Variants in USP30 observed in about 807,000 individuals in gnomAD.
USP30 encodes ubiquitin specific peptidase 30, also known as ubiquitin carboxyl-terminal hydrolase 30.
In USP30, 41 loss-of-function variants were observed where a neutral mutation model predicts 68.2. The observed-to-expected ratio is 0.60, with a 90% CI of 0.47 to 0.78. USP30 has a LOEUF of 0.78. USP30 is among the 30% of genes least tolerant of loss of function. The pLI is 0.00. For synonymous variants in USP30, 229 were observed against 253.7 expected (o/e 0.90, Z 0.93); for missense variants, 522 against 649.4 (o/e 0.80, Z 2.13).
chr12:109,085,206 A>G (rs1295985831), intron 12 of USP30, 133 bp downstream of exon 12: 8 of 1,055,818 alleles, frequency 7.6e-6, no homozygotes, highest in Admixed American at 2.9e-5. Flanking sequence ...TCACGATTAC[A>G]CATTCCTATT....
chr12:109,030,178 AC>A (rs1376758391), intron 3 of USP30, among the ~76,000 whole-genome samples: 1 of 152,188 alleles, frequency 6.6e-6, no homozygotes, highest in African/African-American at 2.4e-5. Context: ...TGTACTGGGC[AC>A]CAGCTTTGGA....
At chr12:109,069,067 G>T (rs560623824) in intron 4 of USP30, among the ~76,000 whole-genome samples, 3 of 152,310 alleles carry the variant, frequency 2.0e-5, no homozygotes, top group Non-Finnish European at 4.4e-5. Flanking sequence ...TTTACAGATG[G>T]AAAAACACTG....
chr12:109,063,824 T>C (rs2041156965), intron 3 of USP30, among the ~76,000 whole-genome samples: 1 of 152,146 alleles, frequency 6.6e-6, no homozygotes, highest in African/African-American at 2.4e-5. Context: ...ATTTTGTCTA[T>C]CTTTTTGGGA....
chr12:109,072,009 G>C (rs542938501), intron 5 of USP30, among the ~76,000 whole-genome samples: 1 of 152,282 alleles, frequency 6.6e-6, no homozygotes, highest in Admixed American at 6.5e-5. Context: ...TGCTAAGTGA[G>C]CCCTCATTTC....
intron 9 of USP30, 56 bp downstream of exon 9, chr12:109,082,075 G>A (rs930849173): frequency 2.8e-5 from 43 of 1,560,680 alleles, no homozygotes; most frequent in South Asian, 4.4e-5. Flanking sequence ...CTGATGTAGC[G>A]CCTCTCACAC....
At chr12:109,078,180 C>G (rs141359955) in intron 7 of USP30, among the ~76,000 whole-genome samples, 1,856 of 152,126 alleles carry the variant, frequency 0.012, 40 homozygotes, top group African/African-American at 0.042. Flanking sequence ...AATCCCAGCA[C>G]TTTGGAAGGC....
rs1376830254 is a variant in USP30, at chr12:109,086,457, A to G, written c.*526A>G. 6.5e-6 allele frequency: 1 copy of G among 153,668 alleles called. No homozygotes were observed. The highest frequency in any genetic ancestry group is 2.4e-5 in the African/African-American group (1 of 41,474). 9.5% of individuals were successfully genotyped at this position (153,668 alleles called of 1,614,324 possible). A position where few individuals can be genotyped will look rare whatever the true frequency, so the allele number is the denominator to read the frequency against. ...CCTTCCAGGCTACTCAAAGGATAGCAAGAGAACAGGTAAATGATGCCTAAA... is the reference window on the plus strand; with the variant it reads ...CCTTCCAGGCTACTCAAAGGATAGCGAGAGAACAGGTAAATGATGCCTAAA... On this transcript the variant is annotated 3_prime_UTR_variant, in exon 13 of 13. Coordinates refer to ENST00000257548, the MANE Select transcript of USP30 (RefSeq NM_032663.5).
chr12:109,057,057 G>T (rs1341414167), intron 2 of USP30, among the ~76,000 whole-genome samples: 1 of 152,198 alleles, frequency 6.6e-6, no homozygotes, highest in Non-Finnish European at 1.5e-5. Flanking sequence ...TGTCTAAGAA[G>T]TGTTCTCATT....
chr12:109,034,692 G>T (rs966806218), intron 3 of USP30, among the ~76,000 whole-genome samples: 1 of 152,092 alleles, frequency 6.6e-6, no homozygotes, highest in African/African-American at 2.4e-5. Context: ...CTGTCTAGTT[G>T]TTCTATCCAT....
upstream of USP30, among the ~76,000 whole-genome samples, chr12:109,050,572 C>A (rs2040650709): frequency 6.6e-6 from 1 of 152,032 alleles, no homozygotes; most frequent in Admixed American, 6.6e-5. Flanking sequence ...TCGGAGAAAG[C>A]GATTGAAAGG....
At chr12:109,062,628 T>G (rs1282992195) in intron 3 of USP30, among the ~76,000 whole-genome samples, 1 of 152,016 alleles carries the variant, frequency 6.6e-6, no homozygotes, top group Non-Finnish European at 1.5e-5. Flanking sequence ...GCGCCCAGCC[T>G]TTTTTTTCTT....
Position 109,052,753 on chromosome 12 carries a change from G to T in USP30, c.75G>T (p.Ala25=). Residue 25 remains alanine (A), a synonymous_variant, in exon 1 of 13, where the codon GCG becomes GCT. Coordinates refer to ENST00000257548, the MANE Select transcript of USP30 (RefSeq NM_032663.5). ...TCCAGCGCTTCCTGCGGACCGGGGC[G>T]GCCGTCAGGTGAGATTTTGGGGGGC... is the stretch of plus-strand genomic sequence containing the variant. ...RAIQRFLRTG[A]AVRYKVMKNW... is the part of the protein sequence containing the mutation. The T allele has an allele frequency of 6.9e-7, 1 of 1,454,188 alleles. No individual in the cohort carries two copies. The allele number at this position is 1,454,188 out of a possible 1,614,324, so 90.1% of individuals were successfully genotyped here.
intron 7 of USP30, among the ~76,000 whole-genome samples, chr12:109,074,175 C>T (rs994910717): frequency 2.0e-5 from 3 of 152,152 alleles, no homozygotes; most frequent in African/African-American, 7.2e-5. Flanking sequence ...AATATTTCCA[C>T]GTTTCTTCCA....
At chr12:109,029,468 A>G (rs565275833) in intron 3 of USP30, among the ~76,000 whole-genome samples, 2 of 152,252 alleles carry the variant, frequency 1.3e-5, no homozygotes, top group South Asian at 4.2e-4. Context: ...CTGACACTAC[A>G]GGCATATCCC....
intron 3 of USP30, among the ~76,000 whole-genome samples, chr12:109,034,819 T>G (rs1336628222): frequency 1.3e-5 from 2 of 152,212 alleles, no homozygotes; most frequent in Admixed American, 1.3e-4. Context: ...AGTGCATGTA[T>G]GATTACAATT....
rs150263282 is a variant in USP30 at position 109,059,403 on chromosome 12, C to G, written c.376+1295C>G. Among the ~76,000 whole-genome samples the G allele has an allele frequency of 9.2e-3, 1,405 of 152,298 alleles. 11 individuals carry two copies. Among genetic ancestry groups the G allele is most frequent in the Non-Finnish European group, 0.014 (976 of 68,024 alleles). On this transcript the variant is annotated intron_variant, in intron 3 of 12. Coordinates refer to ENST00000257548, the MANE Select transcript of USP30 (RefSeq NM_032663.5). ...TTGAGACAGGGTCTTACTATGTTGG[C>G]CAGGCTAGTCTCAAACTCCTGGCCT...
At position 109,070,452 on chromosome 12, in the gene USP30, A is replaced by C. The variant is rs913316090; in HGVS notation, c.481-1160A>C. Among the ~76,000 whole-genome samples, 8 of 152,014 alleles carry C rather than the reference A, an allele frequency of 5.3e-5. No individual in the cohort carries two copies. The highest frequency in any genetic ancestry group is 1.0e-4 in the Non-Finnish European group (7 of 67,982). ...AGGTCTGAGCACAGCCCGAAATGGG[A>C]ATAAGCTGGATATGTTCAAGGAACA... On this transcript the variant is annotated intron_variant, in intron 4 of 12. Coordinates refer to ENST00000257548, the MANE Select transcript of USP30 (RefSeq NM_032663.5). This position sits in a 1 kb window ranked among gnomAD's most constrained non-coding sequence, Gnocchi z 4.0.
chr12:109,063,639 G>A (rs2041150780), intron 3 of USP30, among the ~76,000 whole-genome samples: 1 of 152,092 alleles, frequency 6.6e-6, no homozygotes, highest in African/African-American at 2.4e-5. Context: ...TCCACAGATG[G>A]TGCACGATTT....
chr12:109,072,203 T>C (rs943438629), intron 5 of USP30, 102 bp from the exon 6 acceptor site: 8 of 992,390 alleles, frequency 8.1e-6, no homozygotes, highest in African/African-American at 6.5e-5. Flanking sequence ...TTTTTAGTGG[T>C]GTAATCAACG....
Sources: gnomAD v4.1 joint callset for allele counts (sites outside exome capture counted in the v4.1 genomes callset) on GRCh38, gnomAD v4.1.1 for gene constraint, Gnocchi (gnomAD v3.1) non-coding constraint, MANE v1.5 for transcripts, NCBI Gene and HGNC (gene_info 2026-07-23, HGNC 2026-07-21) for gene names.